The following PIEZO1 variants were observed in gnomAD, a reference collection of about 807,000 sequenced individuals.
The protein encoded by PIEZO1 is piezo type mechanosensitive ion channel component 1 (Er blood group), also known as piezo-type mechanosensitive ion channel component 1.
In PIEZO1, 296 loss-of-function variants were observed where a neutral mutation model predicts 297.2. The observed-to-expected ratio is 1.00, with a 90% CI of 0.91 to 1.10. PIEZO1 has a LOEUF of 1.10. Among genes scored for constraint, PIEZO1 ranks in the 50% least tolerant of loss-of-function variants. The probability of loss-of-function intolerance (pLI) is 0.00; values close to 1 mark genes in which losing one functional copy is unlikely to be tolerated. For missense variants in PIEZO1, 5,018 were observed against 3,455.5 expected, an observed-to-expected ratio of 1.45 and a Z score of -11.34; for synonymous variants, 2,427 against 1,507.5, an observed-to-expected ratio of 1.61 and a Z score of -14.13.
intron 1 of PIEZO1, among the ~76,000 whole-genome samples, chr16:88,771,728 C>T (rs1293345540): frequency 1.3e-5 from 2 of 151,890 alleles, no homozygotes; most frequent in African/African-American, 4.8e-5. Flanking sequence ...CCCGTCCACC[C>T]GCGGCCCCAG....
chr16:88,735,106 G>T, intron 13 of PIEZO1, 29 bp downstream of exon 13: 1 of 1,549,120 alleles, frequency 6.5e-7, no homozygotes, highest in Non-Finnish European at 8.7e-7. Context: ...AGGCAGGAGG[G>T]CAACCCCCGC....
In PIEZO1 at chr16:88,736,386, C is replaced by T; in HGVS notation, c.1319G>A (p.Ser440Asn). 1 of 1,549,332 alleles carries T rather than the reference C, an allele frequency of 6.5e-7. No individual in the cohort carries two copies. Among genetic ancestry groups the T allele is most frequent in the African/African-American group, 1.4e-5 (1 of 73,122 alleles). The part of the protein sequence containing the change: ...AMMVWSITYH[S>N]WLTFVLLLWA... ...GAGCAGCAGTACGAAGGTCAGCCAGCTGTGGTAGGTGATGCTCCATACCTG... is the reference window on the plus strand; with the variant it reads ...GAGCAGCAGTACGAAGGTCAGCCAGTTGTGGTAGGTGATGCTCCATACCTG... The change falls in exon 12 of 51, where the codon AGC (serine) becomes AAC (asparagine). Residue 440 changes from serine (S) to asparagine (N), a missense_variant. Coordinates refer to ENST00000301015, the MANE Select transcript of PIEZO1 (RefSeq NM_001142864.4).
chr16:88,784,470 G>A (rs776460946), intron 1 of PIEZO1, among the ~76,000 whole-genome samples: 63 of 151,728 alleles, frequency 4.2e-4, no homozygotes, highest in Admixed American at 1.0e-3. Context: ...TTGTCAGGAA[G>A]TCCTGATGCA....
intron 1 of PIEZO1, among the ~76,000 whole-genome samples, chr16:88,766,485 G>A (rs1308313675): frequency 6.6e-6 from 1 of 152,348 alleles, no homozygotes; most frequent in Non-Finnish European, 1.5e-5. Flanking sequence ...TGGTGTGGCC[G>A]AGGCCTGGGG....
Position 88,742,440 on chromosome 16 carries a change from G to A in PIEZO1, c.161-18C>T. 1 of 1,533,652 alleles carries A rather than the reference G, an allele frequency of 6.5e-7. No homozygotes were observed. The highest frequency in any genetic ancestry group is 8.7e-7 in the Non-Finnish European group (1 of 1,146,252). On this transcript the variant is annotated intron_variant, in intron 2 of 50. Coordinates refer to ENST00000301015, the MANE Select transcript of PIEZO1 (RefSeq NM_001142864.4). The stretch of plus-strand genomic sequence containing the variant: ...TGTGTGACCTGCGGCAGAGCGAGTG[G>A]GTGAGGCTGGTCCCGGGGACGGGGA...
Position 88,733,138 on chromosome 16 carries a change from C to A in PIEZO1, c.2664+140G>T, listed in dbSNP as rs189153619. 3.6e-5 allele frequency: 28 copies of A among 770,490 alleles called. No homozygotes were observed. In the African/African-American group the frequency reaches 4.2e-4, roughly 12 times the overall value. 47.7% of individuals were successfully genotyped at this position (770,490 alleles called of 1,614,324 possible). On this transcript the variant is annotated intron_variant, in intron 19 of 50. Transcript: ENST00000301015. ...GTCGAAGGATGCTGCCTCCAGGAAGCCCCCTTGGCGCCCCCAGGGGAGAGT... is the reference window on the plus strand; with the variant it reads ...GTCGAAGGATGCTGCCTCCAGGAAGACCCCTTGGCGCCCCCAGGGGAGAGT...
In PIEZO1 at chr16:88,722,327, G is replaced by C. The variant is rs1904285596; in HGVS notation, c.4846C>G (p.His1616Asp). ...DMGSPLSTGY[H>D]TRSGSEEAVT... ...GCCTCCTCACTGCCACTGCGCGTGT[G>C]GTAGCCGGTGCTCAGGGGGCTGCCC... The change falls in exon 36 of 51, where the codon CAC becomes GAC. Residue 1616 changes from histidine (H) to aspartate (D), a missense_variant. Transcript: ENST00000301015. 1 of 1,544,280 alleles carries C rather than the reference G, an allele frequency of 6.5e-7. No individual in the cohort carries two copies.
intron 1 of PIEZO1, among the ~76,000 whole-genome samples, chr16:88,784,683 G>T (rs1438873780): frequency 6.6e-6 from 1 of 151,594 alleles, no homozygotes; most frequent in Admixed American, 6.6e-5. Flanking sequence ...TCCCCCAGCC[G>T]CCGCCGCCCT....
chr16:88,765,399 G>A (rs969787293), intron 1 of PIEZO1, among the ~76,000 whole-genome samples: 3 of 152,152 alleles, frequency 2.0e-5, no homozygotes, highest in African/African-American at 4.8e-5. Flanking sequence ...CAGGATGGTC[G>A]TACATCATGT....
chr16:88,719,830 T>C lies in PIEZO1; in HGVS notation c.6295A>G (p.Asn2099Asp). Residue 2099 changes from asparagine to aspartate, a missense_variant, in exon 43 of 51, where the codon AAT (asparagine) becomes GAT (aspartate). Asn to Asp is a conservative substitution (Grantham distance 23, BLOSUM62 1). Transcript: ENST00000301015. Reference sequence around the variant, plus strand: ...TGGAAGAGGAAGAGGTTGAGATGATTGTACTTCTTGGTGAGGAAGTTGCCG... The same window carrying C: ...TGGAAGAGGAAGAGGTTGAGATGATCGTACTTCTTGGTGAGGAAGTTGCCG... Reference protein sequence around the residue: ...ILGNFLTKKYNHLNLFLFQGF... With the variant: ...ILGNFLTKKYDHLNLFLFQGF... The C allele has an allele frequency of 6.4e-7, 1 of 1,550,552 alleles. No individual in the cohort carries two copies.
At chr16:88,775,057 C>T (rs181038290) in intron 1 of PIEZO1, among the ~76,000 whole-genome samples, 1 of 152,226 alleles carries the variant, frequency 6.6e-6, no homozygotes, top group Non-Finnish European at 1.5e-5. Context: ...CCGGCCCAGA[C>T]AGTGAAGACG....
At chr16:88,762,213 C>A (rs1030373294) in intron 1 of PIEZO1, among the ~76,000 whole-genome samples, 1 of 152,170 alleles carries the variant, frequency 6.6e-6, no homozygotes, top group Non-Finnish European at 1.5e-5. Flanking sequence ...CCCGGCCCAC[C>A]CAGAGCTCAG....
At chr16:88,736,941 T>G in intron 10 of PIEZO1, 1 of 465,272 alleles carries the variant, frequency 2.1e-6, no homozygotes. Flanking sequence ...GCACCTGCCG[T>G]TCTCTGGGCC....
rs1905658990 is a variant in PIEZO1 at position 88,741,537 on chromosome 16, G to A, written c.406C>T (p.Leu136Phe). 3.3e-6 allele frequency: 5 copies of A among 1,535,602 alleles called. No homozygotes were observed. Among genetic ancestry groups the A allele is most frequent in the Non-Finnish European group, 4.4e-6 (5 of 1,146,790 alleles). ...CTTGCAAGGCGCCCGCAGATGCCGA[G>A]GCAGACAGAGGAGACCACCAAGATG... is the stretch of plus-strand genomic sequence containing the variant. ...LGILVVSSVC[L>F]GICGRLARNT... The change falls in exon 5 of 51, where the codon CTC (leucine) becomes TTC (phenylalanine). Residue 136 changes from leucine (L) to phenylalanine (F), a missense_variant. Transcript: ENST00000301015.
At position 88,716,266 on chromosome 16, in the gene PIEZO1, T is replaced by A; in HGVS notation, c.7061A>T (p.Asn2354Ile). ...GTSDQSVVIP[N>I]LFPKYIRAPN... ...GGCACGGATGTACTTGGGGAAGAGA[T>A]TAGGGATGACCCTGCAGGGAGGTGC... The change falls in exon 49 of 51, where the codon AAT becomes ATT. Residue 2354 changes from asparagine to isoleucine, a missense_variant. Physicochemically the swap from Asn to Ile is moderately radical, Grantham distance 149. Transcript: ENST00000301015. 1 of 1,492,168 alleles carries A rather than the reference T, an allele frequency of 6.7e-7. No individual in the cohort carries two copies. Among genetic ancestry groups the A allele is most frequent in the Non-Finnish European group, 9.0e-7 (1 of 1,116,006 alleles). The allele number at this position is 1,492,168 out of a possible 1,614,324, so 92.4% of individuals were successfully genotyped here.
chr16:88,766,983 C>T lies in PIEZO1; in HGVS notation c.65-17504G>A, dbSNP rs189185659. Among the ~76,000 whole-genome samples, 715 of 152,338 alleles carry T rather than the reference C, an allele frequency of 4.7e-3. 3 individuals carry two copies. The highest frequency in any genetic ancestry group is 8.9e-3 in the Admixed American group (136 of 15,310). Reference sequence around the variant, plus strand: ...CAAAAGTTTTTAAAATGCAGAGAAGCACAAAGTAACACCCAAGGTCCTCAC... The same window carrying T: ...CAAAAGTTTTTAAAATGCAGAGAAGTACAAAGTAACACCCAAGGTCCTCAC... On this transcript the variant is annotated intron_variant, in intron 1 of 50. Coordinates refer to ENST00000301015, the MANE Select transcript of PIEZO1 (RefSeq NM_001142864.4).
chr16:88,755,439 G>T (rs1173665336), intron 1 of PIEZO1, among the ~76,000 whole-genome samples: 1 of 152,216 alleles, frequency 6.6e-6, no homozygotes, highest in Non-Finnish European at 1.5e-5. Context: ...TGCTGCAGCA[G>T]GAATCTGGCC....
rs1178482935 is a variant in PIEZO1, at chr16:88,720,094, A to G, written c.6139T>C (p.Phe2047Leu). The G allele has an allele frequency of 1.3e-6, 2 of 1,550,230 alleles. No individual in the cohort carries two copies. Among genetic ancestry groups the G allele is most frequent in the African/African-American group, 2.7e-5 (2 of 73,058 alleles). Residue 2047 changes from phenylalanine to leucine, a missense_variant, in exon 42 of 51, where the codon TTC becomes CTC. By Grantham distance (22) the Phe-to-Leu change is conservative. Coordinates refer to ENST00000301015, the MANE Select transcript of PIEZO1 (RefSeq NM_001142864.4). ...CTCTCAGTGACGGCGGGCAGGATGA[A>G]GAACATCCATAGGTGGATGGCCAGC... ...LVLAIHLWMF[F>L]ILPAVTERMF...
At chr16:88,724,027 A>C in intron 30 of PIEZO1, 56 bp from the exon 31 acceptor site, 1 of 1,088,372 alleles carries the variant, frequency 9.2e-7, no homozygotes, top group Non-Finnish European at 1.4e-6. Flanking sequence ...TCCCAGCCAG[A>C]CCCCCTCCGC....
Sources: gnomAD v4.1 joint callset for allele counts (sites outside exome capture counted in the v4.1 genomes callset) on GRCh38, gnomAD v4.1.1 for gene constraint, MANE v1.5 for transcripts, NCBI Gene and HGNC (gene_info 2026-07-23, HGNC 2026-07-21) for gene names.